The following SPRY3 variants were observed in gnomAD, a reference collection of about 807,000 sequenced individuals.
SPRY3 encodes protein sprouty homolog 3.
In SPRY3, 15 loss-of-function variants were observed where a neutral mutation model predicts 20.2. The ratio of observed to expected loss-of-function variants is 0.74; its 90% CI spans 0.50 to 1.14. SPRY3 has a LOEUF of 1.14. Ranked by LOEUF, SPRY3 falls within the 50% of genes most tolerant of loss-of-function variation. SPRY3 has a pLI of 0.00. For missense variants in SPRY3, 364 were observed against 363.9 expected (o/e 1.00, Z 0.00); for synonymous variants, 143 against 136.5 (o/e 1.05, Z -0.33).
chrX:155,643,292 C>T (rs1373352202), intron 1 of SPRY3, among the ~76,000 whole-genome samples: 2 of 111,749 alleles, frequency 1.8e-5, no homozygotes, highest in Admixed American at 1.9e-4. Flanking sequence ...AGTGTAACTA[C>T]TCCTGCTCTT....
chrX:155,773,336 A>ATATATATATT (rs1255722618), intron 3 of SPRY3, among the ~76,000 whole-genome samples: 9 of 145,356 alleles, frequency 6.2e-5, no homozygotes, highest in Non-Finnish European at 1.4e-4. Flanking sequence ...ATATATATAT[A>ATATATATATT]TATATGAGCA....
intron 2 of SPRY3, among the ~76,000 whole-genome samples, chrX:155,697,359 TC>T (rs1230257420): frequency 9.1e-6 from 1 of 110,217 alleles, no homozygotes; most frequent in Non-Finnish European, 1.9e-5. Context: ...GCCTCCTTTC[TC>T]CTGGTTCTCA....
At chrX:155,623,851 A>G (rs782732499) in intron 1 of SPRY3, among the ~76,000 whole-genome samples, 18 of 112,251 alleles carry the variant, frequency 1.6e-4, no homozygotes, top group Non-Finnish European at 3.4e-4. Context: ...TCTAAGTGAA[A>G]CAAAATTTGG....
At chrX:155,762,231 G>A (rs1421686364) in intron 2 of SPRY3, among the ~76,000 whole-genome samples, 1 of 152,070 alleles carries the variant, frequency 6.6e-6, no homozygotes, top group Non-Finnish European at 1.5e-5. Context: ...TTCTCAACAA[G>A]AGTTTATCTT....
chrX:155,711,535 CCTCT>C (rs1310317269), intron 2 of SPRY3, among the ~76,000 whole-genome samples: 3 of 151,070 alleles, frequency 2.0e-5, no homozygotes, highest in African/African-American at 2.4e-5. Flanking sequence ...TTTATTTGGG[CCTCT>C]CTCTTTTTTC....
chrX:155,683,739 A>G (rs2068080142), intron 2 of SPRY3, among the ~76,000 whole-genome samples: 1 of 111,939 alleles, frequency 8.9e-6, no homozygotes, highest in Admixed American at 9.5e-5. Context: ...TTTAGGAGCC[A>G]TTGGCATATA....
At chrX:155,749,653 G>T (rs1425697054) in intron 2 of SPRY3, among the ~76,000 whole-genome samples, 1 of 151,702 alleles carries the variant, frequency 6.6e-6, no homozygotes, top group Non-Finnish European at 1.5e-5. Context: ...TGAGGTGAGG[G>T]CAATAAGAAT....
intron 2 of SPRY3, among the ~76,000 whole-genome samples, chrX:155,760,266 C>G (rs1395091432): frequency 6.6e-6 from 1 of 152,136 alleles, no homozygotes; most frequent in Non-Finnish European, 1.5e-5. Context: ...AATGAAGAAA[C>G]TGAGGCTCAG....
chrX:155,727,020 T>C (rs986541378), intron 2 of SPRY3, among the ~76,000 whole-genome samples: 4 of 152,140 alleles, frequency 2.6e-5, no homozygotes, highest in African/African-American at 9.7e-5. Context: ...TCTCTCGGCA[T>C]TTGCTTGTCT....
At chrX:155,623,694 C>T (rs782041547) in intron 1 of SPRY3, among the ~76,000 whole-genome samples, 27 of 111,908 alleles carry the variant, frequency 2.4e-4, no homozygotes, top group Admixed American at 1.2e-3. Flanking sequence ...ACTCGTGGGT[C>T]CAGACGCTAG....
rs1274408760 is a variant in SPRY3, at chrX:155,726,097, T to A, written c.-281-41865T>A. Among the ~76,000 whole-genome samples the A allele has an allele frequency of 7.2e-5, 11 of 152,094 alleles. 1 individual carries two copies. The highest frequency in any genetic ancestry group is 7.2e-4 in the Admixed American group (11 of 15,260). On this transcript the variant is annotated intron_variant, in intron 2 of 3. Coordinates refer to ENST00000675360, the Ensembl canonical transcript of SPRY3. ...ATGTACACAGTAGTCATTCAGGAGC[T>A]GGTTGTTCAGTTTCCATGTTGTTGT...
chrX:155,719,118 A>G (rs1376718310), intron 2 of SPRY3, among the ~76,000 whole-genome samples: 3 of 152,174 alleles, frequency 2.0e-5, no homozygotes, highest in Admixed American at 6.5e-5. Flanking sequence ...GGCAGCTATT[A>G]ATAGCTGCAG....
At chrX:155,658,238 G>T in intron 2 of SPRY3, among the ~76,000 whole-genome samples, 1 of 110,887 alleles carries the variant, frequency 9.0e-6, no homozygotes, top group Non-Finnish European at 1.9e-5. Flanking sequence ...AAATGACGTT[G>T]GTAACTTGAT....
At chrX:155,661,740 TTTTC>T (rs1376810691) in intron 2 of SPRY3, among the ~76,000 whole-genome samples, 1 of 111,751 alleles carries the variant, frequency 8.9e-6, no homozygotes, top group Non-Finnish European at 1.9e-5. Flanking sequence ...TTTAAAACTT[TTTTC>T]TTTATTTCTG....
At chrX:155,717,446 T>A (rs2091030806) in intron 2 of SPRY3, among the ~76,000 whole-genome samples, 1 of 152,130 alleles carries the variant, frequency 6.6e-6, no homozygotes. Flanking sequence ...CATGCAGGTT[T>A]GTTACATAGG....
At chrX:155,777,327 T>C (rs1262217393), downstream of SPRY3, 1 of 166,974 alleles carries the variant, frequency 6.0e-6, no homozygotes, top group Non-Finnish European at 1.5e-5. Flanking sequence ...TCCTCCTTGA[T>C]AGCTCCTTGA....
intron 3 of SPRY3, among the ~76,000 whole-genome samples, chrX:155,771,783 G>C (rs1436233300): frequency 6.6e-6 from 1 of 152,132 alleles, no homozygotes; most frequent in Non-Finnish European, 1.5e-5. Flanking sequence ...ATGAGCCTTT[G>C]AGTGCAAGTA....
chrX:155,752,696 A>G (rs1180406178), intron 2 of SPRY3, among the ~76,000 whole-genome samples: 5 of 151,826 alleles, frequency 3.3e-5, no homozygotes, highest in Non-Finnish European at 7.4e-5. Context: ...TTAAAACTCA[A>G]GATATCATTT....
intron 2 of SPRY3, among the ~76,000 whole-genome samples, chrX:155,660,005 A>AT (rs1168649092): frequency 2.7e-5 from 3 of 111,161 alleles, no homozygotes; most frequent in African/African-American, 9.8e-5. Context: ...TCTTTGTATA[A>AT]TTTTTTGGTT....
Sources: gnomAD v4.1 joint callset for allele counts (sites outside exome capture counted in the v4.1 genomes callset) on GRCh38, gnomAD v4.1.1 for gene constraint, MANE v1.5 for transcripts, NCBI Gene and HGNC (gene_info 2026-07-23, HGNC 2026-07-21) for gene names.